NPEPL1: variants seen among roughly 807,000 people sequenced by gnomAD.
NPEPL1 encodes the protein aminopeptidase like 1, also known as probable aminopeptidase NPEPL1.
A neutral mutation model predicts 52.4 loss-of-function variants in NPEPL1; 45 were observed. The ratio of observed to expected loss-of-function variants is 0.86; its 90% CI spans 0.68 to 1.10. NPEPL1 has a LOEUF of 1.10. Among genes scored for constraint, NPEPL1 ranks in the 50% least tolerant of loss-of-function variants. The pLI is 0.00. For synonymous variants in NPEPL1, 360 were observed against 314.7 expected, an observed-to-expected ratio of 1.14 and a Z score of -1.52; for missense variants, 696 against 710.9, an observed-to-expected ratio of 0.98 and a Z score of 0.24.
At chr20:58,694,277 G>A in intron 2 of NPEPL1, 145 bp from the exon 3 acceptor site, 1 of 788,062 alleles carries the variant, frequency 1.3e-6, no homozygotes, top group Non-Finnish European at 2.0e-6. Flanking sequence ...TGACCTGAGG[G>A]ATGGGGTGGC....
chr20:58,698,603 T>C, intron 3 of NPEPL1, 81 bp from the exon 4 acceptor site: 1 of 1,133,874 alleles, frequency 8.8e-7, no homozygotes, highest in Non-Finnish European at 1.3e-6. Flanking sequence ...TTGCCTCTGC[T>C]GCCTTTTGTT....
chr20:58,714,017 A>G lies in NPEPL1; in HGVS notation c.1226A>G (p.His409Arg). ...GGCAGGAAGTGTGGGGACCTGGTGC[A>G]CCCGCTGGTCTACTGCCCCGAGCTG... ...KAGRKCGDLV[H>R]PLVYCPELHF... is the part of the protein sequence containing the mutation. The change falls in exon 10 of 12, where the codon CAC becomes CGC. Residue 409 changes from histidine (H) to arginine (R), a missense_variant. His to Arg is a conservative substitution (Grantham distance 29). Transcript: ENST00000356091. The G allele has an allele frequency of 6.5e-7, 1 of 1,528,460 alleles. No homozygotes were observed. Among genetic ancestry groups the G allele is most frequent in the Non-Finnish European group, 8.8e-7 (1 of 1,140,704 alleles). 94.7% of individuals were successfully genotyped at this position (1,528,460 alleles called of 1,614,324 possible).
chr20:58,694,766 C>A (rs1031555688), intron 3 of NPEPL1, among the ~76,000 whole-genome samples, 174 bp downstream of exon 3: 2 of 152,204 alleles, frequency 1.3e-5, no homozygotes, highest in Non-Finnish European at 2.9e-5. Flanking sequence ...GGCCCCCTGC[C>A]TCTGCCTCAG....
intron 2 of NPEPL1, 59 bp downstream of exon 2, chr20:58,693,981 G>T (rs1185611779): frequency 6.2e-6 from 9 of 1,463,068 alleles, no homozygotes; most frequent in Non-Finnish European, 8.3e-6. Context: ...GTGAGCTCGG[G>T]CCTGGGGAGC....
At position 58,713,778 on chromosome 20, in the gene NPEPL1, C is replaced by A; in HGVS notation, c.1126-139C>A. On this transcript the variant is annotated intron_variant, in intron 9 of 11. Coordinates refer to ENST00000356091, the MANE Select transcript of NPEPL1 (RefSeq NM_024663.4). The surrounding 1 kb of genome is among the most constrained non-coding windows in gnomAD (Gnocchi z 4.6). ...TGCTTCATGGCCATGGTCCTTTCTG[C>A]CTGTGTTTTTTCTTTTTTTCTCAAC... 9.0e-7 allele frequency: 1 copy of A among 1,116,096 alleles called. No homozygotes were observed. Among genetic ancestry groups the A allele is most frequent in the Non-Finnish European group, 1.2e-6 (1 of 828,236 alleles). The allele number at this position is 1,116,096 out of a possible 1,614,324, so 69.1% of individuals were successfully genotyped here.
chr20:58,707,341 C>T, intron 7 of NPEPL1, 141 bp downstream of exon 7: 1 of 816,940 alleles, frequency 1.2e-6, no homozygotes, highest in Middle Eastern at 3.7e-4. Context: ...CCCCTCTGCC[C>T]CCAGGCTCTT....
At position 58,707,164 on chromosome 20, in the gene NPEPL1, G is replaced by A. The variant is rs757179783; in HGVS notation, c.864G>A (p.Ala288=). The A allele has an allele frequency of 3.7e-5, 57 of 1,552,338 alleles. No individual in the cohort carries two copies. Among genetic ancestry groups the A allele is most frequent in the East Asian group, 4.9e-5 (2 of 41,194 alleles). The change falls in exon 7 of 12, where the codon GCG becomes GCA. Residue 288 remains alanine, a synonymous_variant. Transcript: ENST00000356091. ...TGAAGCGAGACTGCGGGGGTGCTGC[G>A]GCCGTCCTGGGGGCCTTCAGAGCCG... ...PGMKRDCGGA[A]AVLGAFRAAI...
chr20:58,715,266 T>C lies in NPEPL1; in HGVS notation c.1512T>C (p.Cys504=), dbSNP rs199778415. ...TGAACCTGGTGTCCCCACTGGGCTG[T>C]GAGGTGGATGTCGAGGAGGGGGACC... The part of the protein sequence containing the change: ...PLLNLVSPLG[C]EVDVEEGDLG... Residue 504 remains cysteine (C), a synonymous_variant, in exon 12 of 12, where the codon TGT becomes TGC. Coordinates refer to ENST00000356091, the MANE Select transcript of NPEPL1 (RefSeq NM_024663.4). 6 of 1,610,764 alleles carry C rather than the reference T, an allele frequency of 3.7e-6. No homozygotes were observed. In the African/African-American group the frequency reaches 8.0e-5, roughly 22 times the overall value.
chr20:58,694,223 T>C (rs981218521), intron 2 of NPEPL1, among the ~76,000 whole-genome samples, 199 bp from the exon 3 acceptor site: 1 of 152,186 alleles, frequency 6.6e-6, no homozygotes, highest in Non-Finnish European at 1.5e-5. Context: ...CAATGTGTTA[T>C]TTCTCTTGGA....
Position 58,693,667 on chromosome 20 carries a change from C to T in NPEPL1, c.151-70C>T. 5 of 1,422,012 alleles carry T rather than the reference C, an allele frequency of 3.5e-6. No homozygotes were observed. In the South Asian group the frequency reaches 6.5e-5, roughly 18 times the overall value. The allele number at this position is 1,422,012 out of a possible 1,614,324, so 88.1% of individuals were successfully genotyped here. ...GCAGGAGTGGTTGTGGCCGTGGCTG[C>T]AGGGCAGGGCCTCCTGGCACGTGGC... is the stretch of plus-strand genomic sequence containing the variant. On this transcript the variant is annotated intron_variant, in intron 1 of 11. Transcript: ENST00000356091.
At chr20:58,703,469 G>T (rs944636720) in intron 6 of NPEPL1, 4 of 978,222 alleles carry the variant, frequency 4.1e-6, no homozygotes, top group Middle Eastern at 5.2e-4. Flanking sequence ...TCCCACCCTC[G>T]CACGCACCCT....
chr20:58,692,745 C>T (rs2084377829), upstream of NPEPL1: 4 of 914,248 alleles, frequency 4.4e-6, no homozygotes, highest in Non-Finnish European at 5.2e-6. The surrounding 1 kb of genome is among the most constrained non-coding windows in gnomAD (Gnocchi z 5.7). Flanking sequence ...GGGCCCTGCA[C>T]GTCTCGCGAG....
chr20:58,714,331 C>T (rs1004931073), intron 10 of NPEPL1: 2 of 609,998 alleles, frequency 3.3e-6, no homozygotes, highest in Non-Finnish European at 5.6e-6. Flanking sequence ...GGGTCTGGCT[C>T]AGTTGCCCCA....
At chr20:58,714,165 G>C in intron 10 of NPEPL1, 72 bp downstream of exon 10, 1 of 1,486,184 alleles carries the variant, frequency 6.7e-7, no homozygotes, top group Non-Finnish European at 8.9e-7. Flanking sequence ...TGCCTTCAGG[G>C]TGCTGGTGCA....
intron 3 of NPEPL1, among the ~76,000 whole-genome samples, chr20:58,696,202 TC>T (rs2084487651): frequency 3.9e-5 from 6 of 152,224 alleles, no homozygotes; most frequent in Admixed American, 3.3e-4. Flanking sequence ...CCTGTGGACT[TC>T]CTGCTGTCCC....
chr20:58,715,781 G>A lies in NPEPL1; in HGVS notation c.*455G>A, dbSNP rs1478215208. On this transcript the variant is annotated 3_prime_UTR_variant, in exon 12 of 12. Transcript: ENST00000356091. Reference sequence around the variant, plus strand: ...GGACCTGATTTATAGGGCAAGAGAAGTCACACTCCGGCCTCTCAGAATTCA... The same window carrying A: ...GGACCTGATTTATAGGGCAAGAGAAATCACACTCCGGCCTCTCAGAATTCA... 1 of 154,886 alleles carries A rather than the reference G, an allele frequency of 6.5e-6. No individual in the cohort carries two copies. Among genetic ancestry groups the A allele is most frequent in the African/African-American group, 2.4e-5 (1 of 41,526 alleles). The allele number at this position is 154,886 out of a possible 1,614,324, so 9.6% of individuals were successfully genotyped here.
intron 7 of NPEPL1, among the ~76,000 whole-genome samples, chr20:58,710,285 T>C (rs1264228480): frequency 6.6e-6 from 1 of 152,180 alleles, no homozygotes; most frequent in East Asian, 1.9e-4. Context: ...TCCGCCCACC[T>C]CAGCCTCCCA....
chr20:58,707,165 G>A lies in NPEPL1; in HGVS notation c.865G>A (p.Ala289Thr). 2 of 1,552,488 alleles carry A rather than the reference G, an allele frequency of 1.3e-6. No homozygotes were observed. Among genetic ancestry groups the A allele is most frequent in the Non-Finnish European group, 1.7e-6 (2 of 1,147,768 alleles). The stretch of plus-strand genomic sequence containing the variant: ...GAAGCGAGACTGCGGGGGTGCTGCG[G>A]CCGTCCTGGGGGCCTTCAGAGCCGC... ...GMKRDCGGAA[A>T]VLGAFRAAIK... is the part of the protein sequence containing the mutation. Residue 289 changes from alanine (A) to threonine (T), a missense_variant, in exon 7 of 12, where the codon GCC becomes ACC. Physicochemically the swap from Ala to Thr is moderately conservative, Grantham distance 58. Coordinates refer to ENST00000356091, the MANE Select transcript of NPEPL1 (RefSeq NM_024663.4).
chr20:58,694,236 A>G (rs2084413340), intron 2 of NPEPL1, among the ~76,000 whole-genome samples, 186 bp from the exon 3 acceptor site: 2 of 152,170 alleles, frequency 1.3e-5, no homozygotes, highest in African/African-American at 4.8e-5. Flanking sequence ...CTCTTGGAGC[A>G]TGACCAATGG....
Sources: allele counts gnomAD v4.1 joint callset (sites outside exome capture counted in the v4.1 genomes callset), GRCh38; gene constraint gnomAD v4.1.1; non-coding constraint Gnocchi (gnomAD v3.1); transcripts MANE v1.5; gene names NCBI Gene and HGNC (gene_info 2026-07-23, HGNC 2026-07-21).